ADGRL3: variants seen among roughly 807,000 people sequenced by gnomAD.
ADGRL3 encodes the protein adhesion G protein-coupled receptor L3.
A neutral mutation model predicts 153.5 loss-of-function variants in ADGRL3; 62 were observed. The ratio of observed to expected loss-of-function variants is 0.40; its 90% CI spans 0.33 to 0.50. The LOEUF (loss-of-function observed/expected upper bound fraction) is 0.50, where lower values mean the gene tolerates loss of function less well. Ranked by LOEUF, ADGRL3 falls within the 20% of genes least tolerant of loss-of-function variation. ADGRL3 has a pLI of 0.47. For missense variants in ADGRL3, 1,641 were observed against 1,859.4 expected, an observed-to-expected ratio of 0.88 and a Z score of 2.16; for synonymous variants, 710 against 672.5, an observed-to-expected ratio of 1.06 and a Z score of -0.86.
chr4:61,413,368 G>A (rs2097109807), intron 2 of ADGRL3, among the ~76,000 whole-genome samples: 1 of 152,108 alleles, frequency 6.6e-6, no homozygotes, highest in East Asian at 1.9e-4. Context: ...TGGGGAAACG[G>A]GTGCTCTTTA....
At chr4:61,865,920 G>T (rs927944309) in intron 9 of ADGRL3, among the ~76,000 whole-genome samples, 3 of 152,166 alleles carry the variant, frequency 2.0e-5, no homozygotes, top group Non-Finnish European at 4.4e-5. Context: ...AAAGCTGAAT[G>T]GTAGTATAAG....
chr4:61,443,228 A>G (rs751984038), intron 2 of ADGRL3, among the ~76,000 whole-genome samples: 10 of 152,208 alleles, frequency 6.6e-5, no homozygotes, highest in Admixed American at 5.2e-4. Context: ...CCTATTAGAC[A>G]TACATAGCTA....
chr4:61,420,008 GC>G (rs1240766306), intron 2 of ADGRL3, among the ~76,000 whole-genome samples: 1 of 151,864 alleles, frequency 6.6e-6, no homozygotes. Context: ...CACCATGTTG[GC>G]CAGGCTGGTC....
chr4:61,566,209 T>C (rs79401477), intron 4 of ADGRL3, among the ~76,000 whole-genome samples: 1 of 152,158 alleles, frequency 6.6e-6, no homozygotes, highest in African/African-American at 2.4e-5. Flanking sequence ...TGCTCAGGGC[T>C]ATGAAGACAA....
chr4:62,039,437 CAT>C (rs1476985431), intron 24 of ADGRL3, among the ~76,000 whole-genome samples: 3 of 152,094 alleles, frequency 2.0e-5, no homozygotes, highest in African/African-American at 7.2e-5. Context: ...TAAAAACTAA[CAT>C]ATAACTGTCA....
chr4:61,362,372 C>A (rs966223889), intron 1 of ADGRL3, among the ~76,000 whole-genome samples: 1 of 151,170 alleles, frequency 6.6e-6, no homozygotes, highest in Admixed American at 6.6e-5. Context: ...ATACACTTGA[C>A]CCTTGAATGA....
chr4:61,456,423 C>CTATATCTATATATATAGAT (rs2097750101), intron 2 of ADGRL3, among the ~76,000 whole-genome samples: 1 of 50,470 alleles, frequency 2.0e-5, no homozygotes, highest in Non-Finnish European at 4.5e-5. Context: ...ATAGATATAT[C>CTATATCTATATATATAGAT]TATATCTATA....
At chr4:61,540,247 A>C (rs1249899583) in intron 4 of ADGRL3, among the ~76,000 whole-genome samples, 1 of 152,098 alleles carries the variant, frequency 6.6e-6, no homozygotes, top group Non-Finnish European at 1.5e-5. Context: ...CCCAATACTG[A>C]GTTAAATACA....
chr4:61,946,556 G>A (rs1004839579), intron 15 of ADGRL3, among the ~76,000 whole-genome samples: 2 of 152,078 alleles, frequency 1.3e-5, no homozygotes, highest in Non-Finnish European at 2.9e-5. Flanking sequence ...TATGATAAAT[G>A]TTTTGGAGTC....
intron 1 of ADGRL3, among the ~76,000 whole-genome samples, chr4:61,311,717 C>T (rs1018240924): frequency 6.6e-6 from 1 of 152,096 alleles, no homozygotes; most frequent in African/African-American, 2.4e-5. Flanking sequence ...GTAATCAAGA[C>T]TGTGGTATTG....
At chr4:61,257,869 G>A (rs549746161) in intron 1 of ADGRL3, among the ~76,000 whole-genome samples, 19 of 151,702 alleles carry the variant, frequency 1.3e-4, no homozygotes, top group East Asian at 3.9e-4. Context: ...GTGTCTGTGC[G>A]TGTGCGCACG....
At chr4:61,465,030 T>G (rs892199195) in intron 2 of ADGRL3, among the ~76,000 whole-genome samples, 4 of 152,130 alleles carry the variant, frequency 2.6e-5, no homozygotes, top group Non-Finnish European at 5.9e-5. Flanking sequence ...AGGAATGGGG[T>G]CCCGATGCTC....
intron 11 of ADGRL3, among the ~76,000 whole-genome samples, chr4:61,898,834 C>G (rs998453383): frequency 2.0e-5 from 3 of 152,064 alleles, no homozygotes; most frequent in Non-Finnish European, 4.4e-5. Flanking sequence ...CCAGGCGGGT[C>G]TCAAACTCCT....
chr4:61,892,776 G>A lies in ADGRL3; in HGVS notation c.1601G>A (p.Ser534Asn). Residue 534 changes from serine to asparagine, a missense_variant, in exon 10 of 27, where the codon AGT becomes AAT. Coordinates refer to ENST00000683033, the MANE Select transcript of ADGRL3 (RefSeq NM_001387552.1). ...TCAGTGTCAGGAAGAAGAAACCGGA[G>A]TACTAGTACCCCATCTCCAGCTGTC... ...TPSVSGRRNR[S>N]TSTPSPAVEV... 1.2e-6 allele frequency: 2 copies of A among 1,613,894 alleles called. No homozygotes were observed. The highest frequency in any genetic ancestry group is 4.5e-5 in the East Asian group (2 of 44,846).
At chr4:61,505,469 T>C (rs1372212061) in intron 3 of ADGRL3, among the ~76,000 whole-genome samples, 1 of 152,142 alleles carries the variant, frequency 6.6e-6, no homozygotes, top group East Asian at 1.9e-4. Context: ...TGGTGAATTG[T>C]ATACAAAACA....
chr4:61,623,843 G>A (rs1038437084), intron 5 of ADGRL3, among the ~76,000 whole-genome samples: 3 of 152,126 alleles, frequency 2.0e-5, no homozygotes, highest in Non-Finnish European at 4.4e-5. Flanking sequence ...CTGAGGTGGT[G>A]GTGGTGGGTG....
chr4:61,787,468 GTTCTTTACAAT>G (rs1315184376), intron 8 of ADGRL3, among the ~76,000 whole-genome samples: 2 of 151,788 alleles, frequency 1.3e-5, no homozygotes, highest in Non-Finnish European at 2.9e-5. Context: ...ATTATTGTAT[GTTCTTTACAAT>G]TTTATAAAGT....
intron 13 of ADGRL3, among the ~76,000 whole-genome samples, chr4:61,915,287 T>C (rs2098740246): frequency 6.8e-6 from 1 of 147,550 alleles, no homozygotes; most frequent in African/African-American, 2.5e-5. Flanking sequence ...TAAATATATA[T>C]CAATATATAT....
chr4:61,204,378 A>T (rs954429811), intron 1 of ADGRL3, among the ~76,000 whole-genome samples: 1 of 152,244 alleles, frequency 6.6e-6, no homozygotes, highest in Non-Finnish European at 1.5e-5. Context: ...TAAAGTCTTT[A>T]TACTTGCAAA....
Sources: gnomAD v4.1 joint callset for allele counts (sites outside exome capture counted in the v4.1 genomes callset) on GRCh38, gnomAD v4.1.1 for gene constraint, MANE v1.5 for transcripts, NCBI Gene and HGNC (gene_info 2026-07-23, HGNC 2026-07-21) for gene names.